Variants in PRKN observed in about 807,000 individuals in gnomAD.
The protein encoded by PRKN is parkin RBR E3 ubiquitin protein ligase.
In PRKN, 56 loss-of-function variants were observed where a neutral mutation model predicts 59.5. The observed-to-expected ratio is 0.94, with a 90% CI of 0.76 to 1.18. The LOEUF (loss-of-function observed/expected upper bound fraction) is 1.18. Among genes scored for constraint, PRKN ranks in the 50% most tolerant of loss-of-function variants. The pLI is 0.00. For synonymous variants in PRKN, 250 were observed against 222.1 expected, an observed-to-expected ratio of 1.13 and a Z score of -1.12; for missense variants, 657 against 596.4, an observed-to-expected ratio of 1.10 and a Z score of -1.06.
At chr6:162,692,004 C>A (rs1018122192) in intron 1 of PRKN, among the ~76,000 whole-genome samples, 10 of 151,702 alleles carry the variant, frequency 6.6e-5, no homozygotes, top group Non-Finnish European at 1.5e-4. Context: ...AAAAAAAAAT[C>A]TTTTGTTGTG....
intron 2 of PRKN, among the ~76,000 whole-genome samples, chr6:162,275,942 C>G (rs1309817903): frequency 6.6e-6 from 1 of 152,114 alleles, no homozygotes; most frequent in African/African-American, 2.4e-5. Flanking sequence ...AGCTTCCCTG[C>G]CATCCTGTAT....
Position 161,533,030 on chromosome 6 carries a change from A to G in PRKN, c.1083+15824T>C, listed in dbSNP as rs1051353776. Among the ~76,000 whole-genome samples, 13 of 152,244 alleles carry G rather than the reference A, an allele frequency of 8.5e-5. No homozygotes were observed. The highest frequency in any genetic ancestry group is 4.6e-4 in the Admixed American group (7 of 15,286). On this transcript the variant is annotated intron_variant, in intron 9 of 11. Transcript: ENST00000366898. The surrounding 1 kb of genome is among the most constrained non-coding windows in gnomAD (Gnocchi z 4.1). The stretch of plus-strand genomic sequence containing the variant: ...TCATATTTTTAGATTTAAAAAAGGC[A>G]GCAAATTATGCAGCATAATAAAGAT...
intron 7 of PRKN, among the ~76,000 whole-genome samples, chr6:161,670,711 G>C (rs71567618): frequency 0.013 from 1,986 of 152,210 alleles, 25 homozygotes; most frequent in Non-Finnish European, 0.017. Context: ...AGCTACTCGG[G>C]AGGCTGAGGC....
intron 9 of PRKN, among the ~76,000 whole-genome samples, chr6:161,481,588 G>C (rs370318893): frequency 2.6e-5 from 4 of 151,952 alleles, no homozygotes; most frequent in East Asian, 3.9e-4. Flanking sequence ...TGGCGACAGA[G>C]CAAGACTCCA....
chr6:162,101,362 G>A (rs779327588), intron 4 of PRKN, among the ~76,000 whole-genome samples: 13 of 151,408 alleles, frequency 8.6e-5, no homozygotes, highest in Admixed American at 5.3e-4. Flanking sequence ...TATTCTTGGC[G>A]TCTTTGTCAA....
At chr6:161,738,342 T>G (rs1280371408) in intron 7 of PRKN, among the ~76,000 whole-genome samples, 1 of 151,934 alleles carries the variant, frequency 6.6e-6, no homozygotes, top group African/African-American at 2.4e-5. Context: ...CCAGGGGTGC[T>G]CCCGTCATCT....
At chr6:162,463,607 G>A (rs1446992382) in intron 1 of PRKN, among the ~76,000 whole-genome samples, 1 of 152,136 alleles carries the variant, frequency 6.6e-6, no homozygotes, top group Non-Finnish European at 1.5e-5. Flanking sequence ...ATTGCCCTGT[G>A]GAAACTGGGG....
rs899565286 is a variant in PRKN, at chr6:162,113,928, C to T, written c.535-59754G>A. ...GAAGGGATCCAGTTTCAGCTTTCTA[C>T]ATATGGCTAACCAGTTTTCCCAGCA... On this transcript the variant is annotated intron_variant, in intron 4 of 11. Transcript: ENST00000366898. Among the ~76,000 whole-genome samples the T allele has an allele frequency of 2.0e-4, 31 of 152,164 alleles. No homozygotes were observed. In the South Asian group the frequency reaches 6.5e-3, roughly 32 times the overall value.
At chr6:162,553,508 TAC>T (rs1378814590) in intron 1 of PRKN, among the ~76,000 whole-genome samples, 50 of 139,934 alleles carry the variant, frequency 3.6e-4, no homozygotes, top group African/African-American at 1.3e-3. Flanking sequence ...GATGTGAACT[TAC>T]AGTGTCCTCG....
intron 1 of PRKN, among the ~76,000 whole-genome samples, chr6:162,612,084 T>A (rs1041781804): frequency 6.8e-6 from 1 of 148,102 alleles, no homozygotes; most frequent in Non-Finnish European, 1.5e-5. Flanking sequence ...TCCCAGCTAC[T>A]CGGGAGGCTG....
intron 1 of PRKN, among the ~76,000 whole-genome samples, chr6:162,726,853 T>C (rs1254705705): frequency 6.6e-6 from 1 of 152,174 alleles, no homozygotes; most frequent in Non-Finnish European, 1.5e-5. Flanking sequence ...GCATTTCCAT[T>C]AATTTTCAGG....
intron 9 of PRKN, among the ~76,000 whole-genome samples, chr6:161,404,254 G>A (rs1239772062): frequency 1.3e-5 from 2 of 152,100 alleles, no homozygotes; most frequent in African/African-American, 4.8e-5. Context: ...CTAAGTACTT[G>A]GCCCTGAGTA....
chr6:162,223,765 T>C (rs962399176), intron 3 of PRKN, among the ~76,000 whole-genome samples: 3 of 152,092 alleles, frequency 2.0e-5, no homozygotes, highest in African/African-American at 7.2e-5. Flanking sequence ...CCCCCTGAAA[T>C]GTCATTCCCA....
chr6:161,651,104 C>T (rs917083500), intron 7 of PRKN, among the ~76,000 whole-genome samples: 1 of 152,170 alleles, frequency 6.6e-6, no homozygotes, highest in African/African-American at 2.4e-5. Flanking sequence ...TCAGGGAAAT[C>T]TAATGCTTGT....
intron 2 of PRKN, among the ~76,000 whole-genome samples, chr6:162,369,789 C>T (rs1785647179): frequency 6.6e-6 from 1 of 152,104 alleles, no homozygotes; most frequent in Non-Finnish European, 1.5e-5. Flanking sequence ...GAAATAACCC[C>T]TTTTCCCCTA....
Position 161,983,920 on chromosome 6 carries a change from AT to A in PRKN, c.619-10504del, listed in dbSNP as rs1241570454. 6.4e-5 allele frequency among the ~76,000 whole-genome samples: 8 copies of A among 125,758 alleles called. 2 individuals are homozygous for A. The highest frequency in any genetic ancestry group is 1.0e-4 in the Non-Finnish European group (6 of 58,114). The allele number at this position is 125,758 out of a possible 152,430, so 82.5% of individuals were successfully genotyped here. On this transcript the variant is annotated intron_variant, in intron 5 of 11. Coordinates refer to ENST00000366898, the MANE Select transcript of PRKN (RefSeq NM_004562.3). Reference sequence around the variant, plus strand: ...TTAGAGTATAATAAAAAAAAAAAAAATAAAATAAAAGGTTTGCAGTCATTAC... The same window carrying A: ...TTAGAGTATAATAAAAAAAAAAAAAAAAAATAAAAGGTTTGCAGTCATTAC...
intron 8 of PRKN, among the ~76,000 whole-genome samples, chr6:161,556,912 G>A (rs900294890): frequency 1.3e-5 from 2 of 151,940 alleles, no homozygotes; most frequent in African/African-American, 4.8e-5. Context: ...ATATTTACAT[G>A]TCAAACTATA....
rs1787441481 is a variant in PRKN, at chr6:161,409,862, A to G, written c.1084-22985T>C. On this transcript the variant is annotated intron_variant, in intron 9 of 11. Transcript: ENST00000366898. The surrounding 1 kb of genome is among the most constrained non-coding windows in gnomAD (Gnocchi z 4.6). The stretch of plus-strand genomic sequence containing the variant: ...AGATCAATAGAACTGTGATGTATCT[A>G]TATAAATCTGAGTAGCAGATCCATT... Among the ~76,000 whole-genome samples, 2 of 152,180 alleles carry G rather than the reference A, an allele frequency of 1.3e-5. No homozygotes were observed. Among genetic ancestry groups the G allele is most frequent in the Admixed American group, 6.5e-5 (1 of 15,270 alleles).
At chr6:162,121,227 A>C (rs1392815946) in intron 4 of PRKN, among the ~76,000 whole-genome samples, 1 of 152,206 alleles carries the variant, frequency 6.6e-6, no homozygotes, top group African/African-American at 2.4e-5. Flanking sequence ...TACCACACAG[A>C]CCAGATGAAC....
Sources: gnomAD v4.1 joint callset for allele counts (sites outside exome capture counted in the v4.1 genomes callset) on GRCh38, gnomAD v4.1.1 for gene constraint, Gnocchi (gnomAD v3.1) non-coding constraint, MANE v1.5 for transcripts, NCBI Gene and HGNC (gene_info 2026-07-23, HGNC 2026-07-21) for gene names.